Variants in LPP observed in about 807,000 individuals in gnomAD.
The protein encoded by LPP is LIM domain containing preferred translocation partner in lipoma.
LPP carries 38 observed loss-of-function variants against 60.4 expected under a neutral mutation model. The ratio of observed to expected loss-of-function variants is 0.63; its 90% CI spans 0.49 to 0.83. The LOEUF is 0.83. LPP is among the 40% of genes least tolerant of loss of function. The pLI is 0.00. For missense variants in LPP, 902 were observed against 783.6 expected (o/e 1.15, Z -1.80); for synonymous variants, 328 against 290.8 (o/e 1.13, Z -1.30).
chr3:188,262,760 A>G (rs899769874), intron 2 of LPP, among the ~76,000 whole-genome samples: 1 of 151,230 alleles, frequency 6.6e-6, no homozygotes, highest in Non-Finnish European at 1.5e-5. Flanking sequence ...AAAAAAAATC[A>G]CTCGAGTTAA....
intron 6 of LPP, among the ~76,000 whole-genome samples, chr3:188,536,002 A>ATTTTTTTTTTTTTTT (rs11293389): frequency 8.2e-6 from 1 of 121,762 alleles, no homozygotes; most frequent in South Asian, 2.7e-4. Context: ...TATTACATGA[A>ATTTTTTTTTTTTTTT]TTTTTTTTTT....
chr3:188,746,581 C>G (rs1726292996), intron 8 of LPP: 3 of 478,600 alleles, frequency 6.3e-6, no homozygotes, highest in Non-Finnish European at 1.3e-5. Context: ...TTGCCCAAGA[C>G]AGAACTTCAA....
chr3:188,383,648 T>C (rs1777466343), intron 3 of LPP, among the ~76,000 whole-genome samples: 1 of 152,222 alleles, frequency 6.6e-6, no homozygotes, highest in African/African-American at 2.4e-5. Context: ...GAACCTCTCC[T>C]TACTTTTCCT....
At chr3:188,379,011 T>C (rs1449678598) in intron 3 of LPP, among the ~76,000 whole-genome samples, 1 of 152,044 alleles carries the variant, frequency 6.6e-6, no homozygotes, top group African/African-American at 2.4e-5. Context: ...AGTTGTGCCT[T>C]GCTTGAGGGC....
intron 6 of LPP, among the ~76,000 whole-genome samples, chr3:188,564,313 T>C (rs1831566074): frequency 6.6e-6 from 1 of 151,968 alleles, no homozygotes; most frequent in Non-Finnish European, 1.5e-5. Context: ...TGTAAGAGAA[T>C]AGAGCTAATC....
intron 5 of LPP, among the ~76,000 whole-genome samples, chr3:188,488,286 T>A (rs915963881): frequency 1.3e-5 from 2 of 152,184 alleles, no homozygotes; most frequent in Non-Finnish European, 2.9e-5. Context: ...GAATTTTTGA[T>A]ATATGCTATA....
At chr3:188,326,979 C>T (rs1020608838) in intron 2 of LPP, among the ~76,000 whole-genome samples, 6 of 152,064 alleles carry the variant, frequency 3.9e-5, no homozygotes, top group Non-Finnish European at 7.4e-5. Flanking sequence ...AAAGGAAAAA[C>T]GAAACTCTTC....
At chr3:188,227,140 C>T (rs1286674448) in intron 2 of LPP, among the ~76,000 whole-genome samples, 5 of 152,000 alleles carry the variant, frequency 3.3e-5, no homozygotes, top group African/African-American at 1.2e-4. Context: ...TTAACAAGAG[C>T]AGACTGGAAG....
chr3:188,390,593 G>T (rs530993957), intron 3 of LPP, among the ~76,000 whole-genome samples: 1 of 150,686 alleles, frequency 6.6e-6, no homozygotes, highest in Non-Finnish European at 1.5e-5. Context: ...GCCAGAACTG[G>T]GTTTAGACGT....
At chr3:188,832,346 C>T (rs1182221290) in intron 9 of LPP, among the ~76,000 whole-genome samples, 1 of 152,132 alleles carries the variant, frequency 6.6e-6, no homozygotes, top group Non-Finnish European at 1.5e-5. Context: ...CAACAAAAAG[C>T]TAGGATCCTG....
At chr3:188,395,373 C>T (rs1422773420) in intron 3 of LPP, among the ~76,000 whole-genome samples, 1 of 151,920 alleles carries the variant, frequency 6.6e-6, no homozygotes, top group Non-Finnish European at 1.5e-5. Flanking sequence ...GGCGAGCCAC[C>T]ATTCCCAGCT....
Position 188,531,691 on chromosome 3 carries a change from C to T in LPP, c.429+6904C>T, listed in dbSNP as rs79378822. 1.4e-3 allele frequency among the ~76,000 whole-genome samples: 217 copies of T among 152,238 alleles called. 1 individual carries two copies. The highest frequency in any genetic ancestry group is 5.1e-3 in the African/African-American group (212 of 41,542). On this transcript the variant is annotated intron_variant, in intron 6 of 11. Coordinates refer to ENST00000617246, the MANE Select transcript of LPP (RefSeq NM_001375462.1). ...CCCCAACTCTATGGTAACAGAAGCT[C>T]CTATACCCAGGACCCTTTTGGATCT... is the stretch of plus-strand genomic sequence containing the variant.
At chr3:188,642,277 A>G (rs1850299434) in intron 7 of LPP, among the ~76,000 whole-genome samples, 1 of 152,164 alleles carries the variant, frequency 6.6e-6, no homozygotes, top group South Asian at 2.1e-4. Context: ...TGTGCCCTGG[A>G]AATATTATCA....
At position 188,761,257 on chromosome 3, in the gene LPP, A is replaced by T. The variant is rs554302572; in HGVS notation, c.1410+975A>T. On this transcript the variant is annotated intron_variant, in intron 9 of 11. Coordinates refer to ENST00000617246, the MANE Select transcript of LPP (RefSeq NM_001375462.1). ...AGTCATACTTGGCTTTACAAGGTTC[A>T]CATTTATTGAAGACGTTTTTGGCCT... Among the ~76,000 whole-genome samples, 4 of 152,346 alleles carry T rather than the reference A, an allele frequency of 2.6e-5. No homozygotes were observed. The East Asian group carries it at 7.7e-4, about 29-fold the overall frequency.
chr3:188,463,615 A>G (rs13100860), intron 4 of LPP, among the ~76,000 whole-genome samples: 24,400 of 152,138 alleles, frequency 0.16, 2,214 homozygotes, highest in East Asian at 0.27. Context: ...AAGACTTGCA[A>G]GAGTCCAATG....
intron 3 of LPP, among the ~76,000 whole-genome samples, chr3:188,371,279 G>A (rs1016708910): frequency 6.8e-6 from 1 of 148,128 alleles, no homozygotes; most frequent in Non-Finnish European, 1.5e-5. Flanking sequence ...ATTTATATAT[G>A]AATTATCTAC....
At chr3:188,770,433 C>T (rs1356641139) in intron 9 of LPP, among the ~76,000 whole-genome samples, 1 of 150,956 alleles carries the variant, frequency 6.6e-6, no homozygotes, top group Non-Finnish European at 1.5e-5. Context: ...CCTCATGATC[C>T]GCCTGCCTTG....
At chr3:188,753,776 T>G (rs2150359724) in intron 8 of LPP, among the ~76,000 whole-genome samples, 1 of 152,080 alleles carries the variant, frequency 6.6e-6, no homozygotes, top group African/African-American at 2.4e-5. Context: ...TGAGTGTGGG[T>G]GTGTGTGAGT....
chr3:188,184,376 A>G (rs1473260508), intron 1 of LPP, among the ~76,000 whole-genome samples: 1 of 152,220 alleles, frequency 6.6e-6, no homozygotes, highest in Non-Finnish European at 1.5e-5. Context: ...AAGGGAGAGC[A>G]TGCTGTCACT....
Sources: allele counts gnomAD v4.1 joint callset (sites outside exome capture counted in the v4.1 genomes callset), GRCh38; gene constraint gnomAD v4.1.1; transcripts MANE v1.5; gene names NCBI Gene and HGNC (gene_info 2026-07-23, HGNC 2026-07-21).